Variants in ADGRL3 observed in about 807,000 individuals in gnomAD.
ADGRL3 encodes the protein adhesion G protein-coupled receptor L3.
A neutral mutation model predicts 153.5 loss-of-function variants in ADGRL3; 62 were observed. The observed-to-expected ratio is 0.40, with a 90% CI of 0.33 to 0.50. The LOEUF (loss-of-function observed/expected upper bound fraction) is 0.50. ADGRL3 is among the 20% of genes least tolerant of loss of function. The pLI is 0.47. For missense variants in ADGRL3, 1,641 were observed against 1,859.4 expected (o/e 0.88, Z 2.16); for synonymous variants, 710 against 672.5 (o/e 1.06, Z -0.86).
intron 5 of ADGRL3, among the ~76,000 whole-genome samples, chr4:61,663,833 T>C (rs2094693044): frequency 6.6e-6 from 1 of 152,204 alleles, no homozygotes; most frequent in South Asian, 2.1e-4. Context: ...GTATTATAGT[T>C]CCATTTTACT....
At chr4:61,919,259 C>G (rs555191022) in intron 13 of ADGRL3, among the ~76,000 whole-genome samples, 1 of 152,252 alleles carries the variant, frequency 6.6e-6, no homozygotes, top group South Asian at 2.1e-4. Context: ...AGCATCAAAG[C>G]CAACCCAAAC....
chr4:61,495,193 A>G (rs946942437), intron 2 of ADGRL3, among the ~76,000 whole-genome samples: 1 of 152,152 alleles, frequency 6.6e-6, no homozygotes, highest in Non-Finnish European at 1.5e-5. Context: ...TGGCTCCAGA[A>G]TGCGTGCTCT....
intron 5 of ADGRL3, among the ~76,000 whole-genome samples, chr4:61,588,998 A>C (rs1484852483): frequency 6.6e-6 from 1 of 152,020 alleles, no homozygotes; most frequent in Non-Finnish European, 1.5e-5. Flanking sequence ...TTTTCACTGA[A>C]ATTGTTTTAA....
In ADGRL3 at chr4:61,732,845, T is replaced by C; in HGVS notation, c.690T>C (p.Pro230=). 1 of 1,613,242 alleles carries C rather than the reference T, an allele frequency of 6.2e-7. No individual in the cohort carries two copies. The highest frequency in any genetic ancestry group is 1.3e-5 in the African/African-American group (1 of 75,032). The stretch of plus-strand genomic sequence containing the variant: ...AATCTGGGGCGTGGTGCAAAGACCC[T>C]CTGCAGGCATCTGACAAGATTTATT... ...DHQSGAWCKD[P]LQASDKIYYM... The change falls in exon 8 of 27, where the codon CCT becomes CCC. Residue 230 remains proline (P), a synonymous_variant. Transcript: ENST00000683033.
At chr4:61,284,961 A>G (rs1481599066) in intron 1 of ADGRL3, among the ~76,000 whole-genome samples, 1 of 146,434 alleles carries the variant, frequency 6.8e-6, no homozygotes, top group Non-Finnish European at 1.5e-5. Context: ...GTATGTTACC[A>G]ATCTTTGTTT....
intron 1 of ADGRL3, among the ~76,000 whole-genome samples, chr4:61,325,949 T>A (rs891283773): frequency 6.6e-6 from 1 of 152,128 alleles, no homozygotes; most frequent in Non-Finnish European, 1.5e-5. Flanking sequence ...AGATAGCGTA[T>A]TAAGAAATAT....
intron 2 of ADGRL3, among the ~76,000 whole-genome samples, chr4:61,453,544 G>A (rs917119341): frequency 1.3e-5 from 2 of 152,030 alleles, no homozygotes; most frequent in Non-Finnish European, 2.9e-5. Context: ...AATAGGCGCT[G>A]TATGGGTTAA....
chr4:61,732,323 A>T (rs902424612), intron 7 of ADGRL3, among the ~76,000 whole-genome samples: 1 of 152,168 alleles, frequency 6.6e-6, no homozygotes, highest in Non-Finnish European at 1.5e-5. Context: ...CTTAATGATA[A>T]CTACTGAATG....
intron 1 of ADGRL3, among the ~76,000 whole-genome samples, chr4:61,280,871 A>G (rs1200694860): frequency 6.6e-6 from 1 of 152,116 alleles, no homozygotes; most frequent in Admixed American, 6.6e-5. Flanking sequence ...CAAAATTTAC[A>G]CTCACTGAAC....
intron 4 of ADGRL3, among the ~76,000 whole-genome samples, chr4:61,537,171 A>ATTT (rs35245648): frequency 1.4e-5 from 2 of 146,574 alleles, no homozygotes; most frequent in South Asian, 2.1e-4. Flanking sequence ...CTTGCCTTGC[A>ATTT]TTTTTTTTTT....
chr4:61,398,249 A>G (rs932945268), intron 2 of ADGRL3, among the ~76,000 whole-genome samples: 5 of 151,840 alleles, frequency 3.3e-5, no homozygotes, highest in African/African-American at 1.2e-4. Flanking sequence ...AAACTTTAAA[A>G]AGAAAAAAAT....
At chr4:61,670,762 C>T (rs1195079020) in intron 5 of ADGRL3, among the ~76,000 whole-genome samples, 1 of 152,094 alleles carries the variant, frequency 6.6e-6, no homozygotes, top group Non-Finnish European at 1.5e-5. Flanking sequence ...GGTAAAGTTC[C>T]CCCCAGGGGT....
In ADGRL3 at chr4:61,573,898, C is replaced by T. The variant is rs556831000; in HGVS notation, c.260-13329C>T. Among the ~76,000 whole-genome samples, 21 of 152,060 alleles carry T rather than the reference C, an allele frequency of 1.4e-4. No individual in the cohort carries two copies. The East Asian group carries it at 2.1e-3, about 15-fold the overall frequency. On this transcript the variant is annotated intron_variant, in intron 4 of 26. Transcript: ENST00000683033. ...TGGAATGGTATTTGACTTTAACAAC[C>T]GCTAACCTTTCTTTCTTGAAAGCTC...
At chr4:61,820,049 T>C (rs148800372) in intron 9 of ADGRL3, among the ~76,000 whole-genome samples, 189 of 152,276 alleles carry the variant, frequency 1.2e-3, no homozygotes, top group African/African-American at 4.2e-3. Flanking sequence ...GAAAAAGTAT[T>C]TTGTGTTATT....
chr4:61,614,913 A>G (rs2091824058), intron 5 of ADGRL3, among the ~76,000 whole-genome samples: 1 of 152,120 alleles, frequency 6.6e-6, no homozygotes, highest in Admixed American at 6.6e-5. Flanking sequence ...TCGTTGCTTT[A>G]TGTTGGTGTT....
chr4:62,008,791 C>T (rs547562941), intron 21 of ADGRL3, among the ~76,000 whole-genome samples: 4 of 151,694 alleles, frequency 2.6e-5, no homozygotes, highest in South Asian at 4.2e-4. Context: ...AATAGATACA[C>T]GCATATCCAG....
At chr4:61,781,274 C>T (rs1323750768) in intron 8 of ADGRL3, among the ~76,000 whole-genome samples, 5 of 144,762 alleles carry the variant, frequency 3.5e-5, no homozygotes, top group Admixed American at 2.9e-4. Context: ...TGCAGTGAGC[C>T]GAGATCGTGC....
intron 3 of ADGRL3, among the ~76,000 whole-genome samples, chr4:61,516,391 C>A (rs952743573): frequency 2.0e-5 from 3 of 151,910 alleles, no homozygotes; most frequent in African/African-American, 7.2e-5. Context: ...GAAGCAAAAT[C>A]TTTTTCTTTG....
rs542186135 is a variant in ADGRL3 at position 61,491,337 on chromosome 4, C to G, written c.-173-5784C>G. ...AATAATAAGCATTTAAGTCCCTCAC[C>G]TAAGCATTTATGCATAATTACTCTA... On this transcript the variant is annotated intron_variant, in intron 2 of 26. Coordinates refer to ENST00000683033, the MANE Select transcript of ADGRL3 (RefSeq NM_001387552.1). Among the ~76,000 whole-genome samples, 13 of 152,212 alleles carry G rather than the reference C, an allele frequency of 8.5e-5. No individual in the cohort carries two copies. The East Asian group carries it at 2.3e-3, about 27-fold the overall frequency.
Sources: allele counts gnomAD v4.1 joint callset (sites outside exome capture counted in the v4.1 genomes callset), GRCh38; gene constraint gnomAD v4.1.1; transcripts MANE v1.5; gene names NCBI Gene and HGNC (gene_info 2026-07-23, HGNC 2026-07-21).